CAMK2D: variants seen among roughly 807,000 people sequenced by gnomAD.
CAMK2D encodes calcium/calmodulin dependent protein kinase II delta, also known as calcium/calmodulin-dependent protein kinase type II subunit delta.
In CAMK2D, 37 loss-of-function variants were observed where a neutral mutation model predicts 84.0. The ratio of observed to expected loss-of-function variants is 0.44; its 90% CI spans 0.34 to 0.58. The LOEUF (loss-of-function observed/expected upper bound fraction) is 0.58, where lower values mean the gene tolerates loss of function less well. Ranked by LOEUF, CAMK2D falls within the 20% of genes least tolerant of loss-of-function variation. The probability of loss-of-function intolerance (pLI) is 0.02; values close to 1 mark genes in which losing one functional copy is unlikely to be tolerated. For synonymous variants in CAMK2D, 202 were observed against 212.5 expected (o/e 0.95, Z 0.43); for missense variants, 448 against 652.5 (o/e 0.69, Z 3.41).
chr4:113,461,225 T>G (rs903434311), intron 17 of CAMK2D, among the ~76,000 whole-genome samples: 2 of 152,164 alleles, frequency 1.3e-5, no homozygotes, highest in Non-Finnish European at 2.9e-5. Context: ...GGTGCACAAT[T>G]TTAAATATTT....
chr4:113,607,391 T>C (rs2098982451), intron 4 of CAMK2D, among the ~76,000 whole-genome samples: 2 of 152,248 alleles, frequency 1.3e-5, no homozygotes, highest in African/African-American at 2.4e-5. Flanking sequence ...CTTGGCTGCC[T>C]ACCTGTCAGG....
chr4:113,650,603 A>T (rs147848938), intron 3 of CAMK2D, among the ~76,000 whole-genome samples: 2 of 152,256 alleles, frequency 1.3e-5, no homozygotes, highest in African/African-American at 4.8e-5. Context: ...TTTTCAAAAG[A>T]TTTCGAAAAA....
intron 2 of CAMK2D, among the ~76,000 whole-genome samples, chr4:113,671,658 G>T (rs2099285678): frequency 6.6e-6 from 1 of 152,162 alleles, no homozygotes; most frequent in Admixed American, 6.5e-5. Context: ...TACCTGGTTT[G>T]CAGTCACTTC....
chr4:113,490,160 G>T (rs1333928571), intron 16 of CAMK2D, among the ~76,000 whole-genome samples: 2 of 146,318 alleles, frequency 1.4e-5, no homozygotes, highest in Non-Finnish European at 3.0e-5. Flanking sequence ...GATCCCATTT[G>T]TCAATTTTGG....
intron 4 of CAMK2D, among the ~76,000 whole-genome samples, chr4:113,592,327 A>G (rs2154252310): frequency 6.6e-6 from 1 of 152,180 alleles, no homozygotes; most frequent in East Asian, 1.9e-4. Context: ...CATGTTTTAA[A>G]TTGTAACTTT....
At chr4:113,622,818 C>T (rs986265364) in intron 3 of CAMK2D, among the ~76,000 whole-genome samples, 51 of 152,296 alleles carry the variant, frequency 3.3e-4, no homozygotes, top group African/African-American at 1.1e-3. Flanking sequence ...CAAAAGAACA[C>T]ATGTCCATTG....
chr4:113,749,320 CAAGT>C (rs1385460226), intron 2 of CAMK2D, among the ~76,000 whole-genome samples: 2 of 121,608 alleles, frequency 1.6e-5, no homozygotes, highest in Non-Finnish European at 3.2e-5. Flanking sequence ...GGAGAGAACA[CAAGT>C]AAGTGCTTTT....
At chr4:113,641,826 G>A (rs1164412416) in intron 3 of CAMK2D, among the ~76,000 whole-genome samples, 1 of 151,908 alleles carries the variant, frequency 6.6e-6, no homozygotes, top group Admixed American at 6.6e-5. Flanking sequence ...TGACCAACAT[G>A]GAGAAACCCC....
At chr4:113,653,021 T>C (rs2099181929) in intron 3 of CAMK2D, among the ~76,000 whole-genome samples, 1 of 152,074 alleles carries the variant, frequency 6.6e-6, no homozygotes, top group Non-Finnish European at 1.5e-5. Flanking sequence ...AATTCACCAA[T>C]GGAAAAGATT....
intron 2 of CAMK2D, among the ~76,000 whole-genome samples, chr4:113,719,716 T>C (rs926741424): frequency 1.3e-5 from 2 of 152,200 alleles, no homozygotes; most frequent in Non-Finnish European, 2.9e-5. Context: ...ATCACTGTTC[T>C]CACTTTTAAC....
At chr4:113,643,519 G>A (rs1435777590) in intron 3 of CAMK2D, among the ~76,000 whole-genome samples, 2 of 152,258 alleles carry the variant, frequency 1.3e-5, no homozygotes, top group Non-Finnish European at 2.9e-5. Context: ...TAAGAACAGG[G>A]TCCGGACTGT....
At chr4:113,608,596 T>C (rs977600294) in intron 4 of CAMK2D, among the ~76,000 whole-genome samples, 3 of 152,178 alleles carry the variant, frequency 2.0e-5, no homozygotes, top group African/African-American at 7.2e-5. Flanking sequence ...TAGCACCAAA[T>C]TGATTTCCAG....
intron 2 of CAMK2D, among the ~76,000 whole-genome samples, chr4:113,724,023 G>A (rs1343256720): frequency 6.6e-6 from 1 of 151,876 alleles, no homozygotes; most frequent in Non-Finnish European, 1.5e-5. Flanking sequence ...AATTCCTAAT[G>A]TTAAATTAGA....
Position 113,465,617 on chromosome 4 carries a change from A to G in CAMK2D, c.1136-13T>C, listed in dbSNP as rs1376923437. ...TCTTGCTTTCGTGCTAAAGGCAAAA[A>G]TATGGAGTTGGGTAAGAATAAAAGA... is the stretch of plus-strand genomic sequence containing the variant. On this transcript the variant is annotated splice_polypyrimidine_tract_variant and intron_variant, in intron 16 of 20. Transcript: ENST00000511664. The G allele has an allele frequency of 6.5e-7, 1 of 1,534,964 alleles. No homozygotes were observed. Among genetic ancestry groups the G allele is most frequent in the African/African-American group, 1.4e-5 (1 of 73,282 alleles).
chr4:113,556,166 G>A (rs764498289), intron 4 of CAMK2D, among the ~76,000 whole-genome samples: 6 of 152,154 alleles, frequency 3.9e-5, no homozygotes, highest in Non-Finnish European at 7.3e-5. Flanking sequence ...TTGCAACACA[G>A]CAACCCTATG....
chr4:113,588,775 G>A (rs1157789096), intron 4 of CAMK2D, among the ~76,000 whole-genome samples: 1 of 152,078 alleles, frequency 6.6e-6, no homozygotes, highest in African/African-American at 2.4e-5. Context: ...GGGGATAATA[G>A]TGATCAAAAG....
intron 2 of CAMK2D, among the ~76,000 whole-genome samples, chr4:113,701,068 T>C (rs2099416077): frequency 6.6e-6 from 1 of 152,224 alleles, no homozygotes; most frequent in Non-Finnish European, 1.5e-5. Context: ...GGATATATTT[T>C]TCTTTAACAG....
At chr4:113,533,422 G>A (rs1351405934) in intron 7 of CAMK2D, among the ~76,000 whole-genome samples, 1 of 152,010 alleles carries the variant, frequency 6.6e-6, no homozygotes, top group Non-Finnish European at 1.5e-5. Context: ...CATACTACAT[G>A]CCATCAATAG....
At chr4:113,617,786 A>G (rs981782334) in intron 3 of CAMK2D, among the ~76,000 whole-genome samples, 3 of 151,960 alleles carry the variant, frequency 2.0e-5, no homozygotes, top group Non-Finnish European at 4.4e-5. Flanking sequence ...CACAAACACC[A>G]CCATTCCTGG....
Sources: allele counts gnomAD v4.1 joint callset (sites outside exome capture counted in the v4.1 genomes callset), GRCh38; gene constraint gnomAD v4.1.1; transcripts MANE v1.5; gene names NCBI Gene and HGNC (gene_info 2026-07-23, HGNC 2026-07-21).